The following FYB1 variants were observed in gnomAD, a reference collection of about 807,000 sequenced individuals.
The protein encoded by FYB1 is FYN binding protein 1, also known as FYN-binding protein 1.
Under a neutral mutation model 94.1 loss-of-function variants are expected in FYB1, and 41 were observed. That is an observed-to-expected ratio of 0.44 (90% CI 0.34 to 0.57). FYB1 has a LOEUF of 0.57. Ranked by LOEUF, FYB1 falls within the 20% of genes least tolerant of loss-of-function variation. The pLI, the probability that FYB1 is intolerant of heterozygous loss-of-function variation, is 0.02. For missense variants in FYB1, 1,050 were observed against 976.8 expected (o/e 1.07, Z -1.00); for synonymous variants, 367 against 353.2 (o/e 1.04, Z -0.44).
At position 39,203,041 on chromosome 5, in the gene FYB1, G is replaced by C. The variant is rs978112598; in HGVS notation, c.-27-54C>G. ...GAGAGACAAAAGTCTTACTTGCACA[G>C]TTTAAAATACTATACCTTACAGAGC... On this transcript the variant is annotated intron_variant, in intron 1 of 18. Coordinates refer to ENST00000512982, the MANE Select transcript of FYB1 (RefSeq NM_001465.6). The C allele has an allele frequency of 6.7e-6, 10 of 1,495,864 alleles. No individual in the cohort carries two copies. The African/African-American group carries it at 1.2e-4, about 19-fold the overall frequency. 92.7% of individuals were successfully genotyped at this position (1,495,864 alleles called of 1,614,324 possible).
At chr5:39,227,877 G>T (rs958340797) in intron 1 of FYB1, among the ~76,000 whole-genome samples, 1 of 152,156 alleles carries the variant, frequency 6.6e-6, no homozygotes, top group Non-Finnish European at 1.5e-5. Flanking sequence ...TCTCTTTATA[G>T]AATTGTTTTT....
intron 9 of FYB1, 66 bp downstream of exon 9, chr5:39,134,142 C>CA: frequency 7.8e-7 from 1 of 1,278,590 alleles, no homozygotes; most frequent in Non-Finnish European, 1.1e-6. Flanking sequence ...ATTCTAGGAT[C>CA]TTAATATACA....
Position 39,215,280 on chromosome 5 carries a change from A to T in FYB1, c.-28+4163T>A, listed in dbSNP as rs180926098. On this transcript the variant is annotated intron_variant, in intron 1 of 18. Coordinates refer to ENST00000512982, the MANE Select transcript of FYB1 (RefSeq NM_001465.6). Reference sequence around the variant, plus strand: ...TTAAATTAAATGTAACAGTGGATCAATGTCAAACATCTAATATGAATAAAA... The same window carrying T: ...TTAAATTAAATGTAACAGTGGATCATTGTCAAACATCTAATATGAATAAAA... Among the ~76,000 whole-genome samples the T allele has an allele frequency of 1.2e-3, 180 of 152,356 alleles. 1 individual carries two copies. The highest frequency in any genetic ancestry group is 4.1e-3 in the African/African-American group (170 of 41,572).
chr5:39,166,421 G>A (rs1744742986), intron 2 of FYB1, among the ~76,000 whole-genome samples: 2 of 143,826 alleles, frequency 1.4e-5, no homozygotes, highest in Admixed American at 1.5e-4. Flanking sequence ...GGGCAACAAG[G>A]TGAAACTCCG....
intron 2 of FYB1, among the ~76,000 whole-genome samples, chr5:39,186,384 G>T (rs983941597): frequency 3.3e-5 from 5 of 151,966 alleles, no homozygotes; most frequent in Non-Finnish European, 7.4e-5. Context: ...ATATAGTGCC[G>T]CTGCACTCCA....
At chr5:39,170,703 A>G (rs568448154) in intron 2 of FYB1, among the ~76,000 whole-genome samples, 1 of 152,252 alleles carries the variant, frequency 6.6e-6, no homozygotes, top group South Asian at 2.1e-4. Context: ...AAACCAGACT[A>G]TAACATTCCT....
At chr5:39,153,269 G>A (rs1248594262) in intron 3 of FYB1, among the ~76,000 whole-genome samples, 179 bp downstream of exon 3, 1 of 152,182 alleles carries the variant, frequency 6.6e-6, no homozygotes, top group Admixed American at 6.5e-5. Context: ...GCAATTCTAG[G>A]GGTATTTGCA....
chr5:39,249,060 T>C (rs1355705844), intron 1 of FYB1, among the ~76,000 whole-genome samples: 6 of 152,228 alleles, frequency 3.9e-5, no homozygotes, highest in Non-Finnish European at 8.8e-5. Context: ...CCAGTGGTTA[T>C]GGCACTGGGC....
chr5:39,225,101 C>T (rs1494686), intron 1 of FYB1, among the ~76,000 whole-genome samples: 126,369 of 152,150 alleles, frequency 0.83, 52,741 homozygotes, highest in Admixed American at 0.89. Context: ...TTAGTCTCTT[C>T]CTGATTTTCT....
At chr5:39,205,618 T>C (rs1748773380) in intron 1 of FYB1, among the ~76,000 whole-genome samples, 1 of 152,208 alleles carries the variant, frequency 6.6e-6, no homozygotes, top group African/African-American at 2.4e-5. Context: ...TAGCCCATGA[T>C]CAAACTCAAT....
intron 1 of FYB1, among the ~76,000 whole-genome samples, chr5:39,230,651 T>G (rs1356327941): frequency 6.6e-6 from 1 of 152,140 alleles, no homozygotes; most frequent in Non-Finnish European, 1.5e-5. Context: ...TTACAGTCAC[T>G]TTTTTAAAAA....
chr5:39,235,267 C>A, intron 1 of FYB1, among the ~76,000 whole-genome samples: 1 of 144,114 alleles, frequency 6.9e-6, no homozygotes. Context: ...AGATAATACC[C>A]CAAGGATCAG....
chr5:39,242,438 C>T (rs1579767466), intron 1 of FYB1, among the ~76,000 whole-genome samples: 1 of 152,220 alleles, frequency 6.6e-6, no homozygotes, highest in South Asian at 2.1e-4. Context: ...TGGTTTCCAG[C>T]TTCATCCATG....
chr5:39,182,405 C>T (rs1249520180), intron 2 of FYB1, among the ~76,000 whole-genome samples: 1 of 150,666 alleles, frequency 6.6e-6, no homozygotes, highest in Non-Finnish European at 1.5e-5. Context: ...GAGGAAGCTC[C>T]CAGAGGTACT....
intron 1 of FYB1, among the ~76,000 whole-genome samples, chr5:39,257,973 C>T (rs1202168544): frequency 2.0e-5 from 3 of 152,188 alleles, no homozygotes; most frequent in African/African-American, 7.2e-5. Flanking sequence ...TTTGGGAGAT[C>T]TCAAACTTGA....
At chr5:39,177,264 C>T (rs1032665514) in intron 2 of FYB1, among the ~76,000 whole-genome samples, 1 of 152,108 alleles carries the variant, frequency 6.6e-6, no homozygotes, top group African/African-American at 2.4e-5. Context: ...CTGTTGCTGC[C>T]TTCTTACTAT....
chr5:39,134,352 A>G lies in FYB1; in HGVS notation c.1676-3T>C. On this transcript the variant is annotated splice_polypyrimidine_tract_variant and splice_region_variant and intron_variant, in intron 8 of 18. Coordinates refer to ENST00000512982, the MANE Select transcript of FYB1 (RefSeq NM_001465.6). ...AGCAGTTGTTTTAATATAGCCATCT[A>G]CCAAAAAGGGAAATATTTATGTTCA... is the stretch of plus-strand genomic sequence containing the variant. The G allele has an allele frequency of 1.3e-6, 2 of 1,591,458 alleles. No individual in the cohort carries two copies. Among genetic ancestry groups the G allele is most frequent in the African/African-American group, 1.3e-5 (1 of 74,414 alleles).
chr5:39,139,051 C>A (rs1405190029), intron 5 of FYB1, 182 bp downstream of exon 5: 2 of 629,032 alleles, frequency 3.2e-6, no homozygotes, highest in Admixed American at 6.9e-5. Flanking sequence ...TATAATGAGT[C>A]AGTGTGATGA....
chr5:39,264,072 T>C (rs1752328948), intron 1 of FYB1, among the ~76,000 whole-genome samples: 1 of 152,248 alleles, frequency 6.6e-6, no homozygotes, highest in South Asian at 2.1e-4. Context: ...GCCCTCACTC[T>C]GTGCCTTCTT....
Sources: allele counts gnomAD v4.1 joint callset (sites outside exome capture counted in the v4.1 genomes callset), GRCh38; gene constraint gnomAD v4.1.1; transcripts MANE v1.5; gene names NCBI Gene and HGNC (gene_info 2026-07-23, HGNC 2026-07-21).